The following CHMP7 variants were observed in gnomAD, a reference collection of about 807,000 sequenced individuals.
CHMP7 encodes charged multivesicular body protein 7, also known as CHMP family, member 7.
In CHMP7, 15 loss-of-function variants were observed where a neutral mutation model predicts 53.7. The ratio of observed to expected loss-of-function variants is 0.28; its 90% CI spans 0.19 to 0.43. The LOEUF (loss-of-function observed/expected upper bound fraction) is 0.43. Ranked by LOEUF, CHMP7 falls within the 20% of genes least tolerant of loss-of-function variation. The pLI, the probability that CHMP7 is intolerant of heterozygous loss-of-function variation, is 1.00. For missense variants in CHMP7, 527 were observed against 569.4 expected, an observed-to-expected ratio of 0.93 and a Z score of 0.76; for synonymous variants, 261 against 228.0, an observed-to-expected ratio of 1.14 and a Z score of -1.30.
rs1448264718 is a variant in CHMP7 at position 23,256,586 on chromosome 8, G to A, written c.784G>A (p.Ala262Thr). The A allele has an allele frequency of 6.8e-6, 11 of 1,613,806 alleles. No homozygotes were observed. The highest frequency in any genetic ancestry group is 9.3e-6 in the Non-Finnish European group (11 of 1,179,874). ...CAAAGTGGAGTCCTTATCCCAGGAA[G>A]CAGAGAGGTAACTTTTAACCCTGAA... ...SRKVESLSQE[A>T]ERCKEEARRA... The change falls in exon 5 of 11, where the codon GCA becomes ACA. Residue 262 changes from alanine (A) to threonine (T), a missense_variant. Transcript: ENST00000397677.
chr8:23,254,690 A>G lies in CHMP7; in HGVS notation c.472-557A>G, dbSNP rs537139571. ...CCAGAGTGCTGGGATTACAGGCATG[A>G]GCTGCCACGCCTGGCCCTTTTCCCT... On this transcript the variant is annotated intron_variant, in intron 3 of 10. Coordinates refer to ENST00000397677, the MANE Select transcript of CHMP7 (RefSeq NM_152272.5). 12 of 167,138 alleles carry G rather than the reference A, an allele frequency of 7.2e-5. No individual in the cohort carries two copies. The South Asian group carries it at 1.7e-3, about 23-fold the overall frequency. 10.4% of individuals were successfully genotyped at this position (167,138 alleles called of 1,614,324 possible).
rs1392021977 is a variant in CHMP7 at position 23,249,237 on chromosome 8, C to T, written c.327C>T (p.Asp109=). 6.2e-7 allele frequency: 1 copy of T among 1,602,032 alleles called. No homozygotes were observed. Among genetic ancestry groups the T allele is most frequent in the Non-Finnish European group, 8.5e-7 (1 of 1,175,294 alleles). ...GAGGGGAGCTGCAGCGGGAGTCAGA[C>T]TTCATGGCCAGTGTAGACAGCAGCT... is the stretch of plus-strand genomic sequence containing the variant. ...LRRGELQRES[D]FMASVDSSWI... is the part of the protein sequence containing the mutation. The change falls in exon 3 of 11, where the codon GAC becomes GAT. Residue 109 remains aspartate, a synonymous_variant. Coordinates refer to ENST00000397677, the MANE Select transcript of CHMP7 (RefSeq NM_152272.5).
At chr8:23,247,444 CT>C (rs1476608998) in intron 2 of CHMP7, among the ~76,000 whole-genome samples, 2 of 152,314 alleles carry the variant, frequency 1.3e-5, no homozygotes, top group East Asian at 3.9e-4. Context: ...CCAACAACCC[CT>C]GGCACAGCTC....
At position 23,246,644 on chromosome 8, in the gene CHMP7, A is replaced by G; in HGVS notation, c.-52A>G. 1 of 1,473,814 alleles carries G rather than the reference A, an allele frequency of 6.8e-7. No individual in the cohort carries two copies. The highest frequency in any genetic ancestry group is 1.3e-5 in the South Asian group (1 of 78,960). 91.3% of individuals were successfully genotyped at this position (1,473,814 alleles called of 1,614,324 possible). ...GAAGCCGGGAGGGAACGAGGGCGGA[A>G]GCGGACCAGGGCCAGGCTTGTGTTC... On this transcript the variant is annotated 5_prime_UTR_variant, in exon 2 of 11. Coordinates refer to ENST00000397677, the MANE Select transcript of CHMP7 (RefSeq NM_152272.5).
At chr8:23,252,010 T>A (rs1272912502) in intron 3 of CHMP7, among the ~76,000 whole-genome samples, 2 of 151,894 alleles carry the variant, frequency 1.3e-5, no homozygotes, top group Non-Finnish European at 2.9e-5. Flanking sequence ...GGGAGTCCAG[T>A]CTCCCCACAT....
chr8:23,250,140 T>G (rs60275220), intron 3 of CHMP7, among the ~76,000 whole-genome samples: 13,903 of 152,206 alleles, frequency 0.091, 1,006 homozygotes, highest in East Asian at 0.39. Flanking sequence ...CAGCCTTATT[T>G]TTCTTTCTCT....
chr8:23,260,608 A>G lies in CHMP7; in HGVS notation c.*9A>G, dbSNP rs1467749653. 5 of 1,609,924 alleles carry G rather than the reference A, an allele frequency of 3.1e-6. No homozygotes were observed. Among genetic ancestry groups the G allele is most frequent in the Non-Finnish European group, 4.3e-6 (5 of 1,176,256 alleles). On this transcript the variant is annotated 3_prime_UTR_variant, in exon 11 of 11. Coordinates refer to ENST00000397677, the MANE Select transcript of CHMP7 (RefSeq NM_152272.5). ...CTCTAAAGCCATTGTAGGACCCTCAAGTGAAGGACCCTCATGTAAAAGAGA... is the reference window on the plus strand; with the variant it reads ...CTCTAAAGCCATTGTAGGACCCTCAGGTGAAGGACCCTCATGTAAAAGAGA...
Position 23,246,397 on chromosome 8 carries a change from G to A in CHMP7, c.-299G>A, listed in dbSNP as rs1178374479. The A allele has an allele frequency of 4.6e-6, 2 of 435,778 alleles. No individual in the cohort carries two copies. Among genetic ancestry groups the A allele is most frequent in the Admixed American group, 4.1e-5 (1 of 24,676 alleles). The allele number at this position is 435,778 out of a possible 1,614,324, so 27.0% of individuals were successfully genotyped here. A position where few individuals can be genotyped will look rare whatever the true frequency, so the allele number is the denominator to read the frequency against. ...TCCAGAATCTTGAAGGAGACGTAAG[G>A]TGCAGCCACCTGCCGCGCAGGCGCA... On this transcript the variant is annotated 5_prime_UTR_variant, in exon 2 of 11. It adds an upstream start codon to the 5' untranslated region. Coordinates refer to ENST00000397677, the MANE Select transcript of CHMP7 (RefSeq NM_152272.5).
chr8:23,255,909 G>T (rs1309269757), intron 4 of CHMP7, among the ~76,000 whole-genome samples: 2 of 151,804 alleles, frequency 1.3e-5, no homozygotes, highest in African/African-American at 4.8e-5. Context: ...TTACAGGCAT[G>T]CGCCACGGCC....
Position 23,243,649 on chromosome 8 carries a change from G to C in CHMP7, c.-636G>C, listed in dbSNP as rs1358006903. On this transcript the variant is annotated 5_prime_UTR_variant, in exon 1 of 11. Transcript: ENST00000397677. ...TTAAACACCCTGGGCTGCCTCCTCT[G>C]ACTGTTATGCAGCAGGCCGGCAGGT... 1 of 152,440 alleles carries C rather than the reference G, an allele frequency of 6.6e-6. No homozygotes were observed. Among genetic ancestry groups the C allele is most frequent in the Non-Finnish European group, 1.5e-5 (1 of 68,220 alleles). 9.4% of individuals were successfully genotyped at this position (152,440 alleles called of 1,614,324 possible). A position where few individuals can be genotyped will look rare whatever the true frequency, so the allele number is the denominator to read the frequency against.
chr8:23,253,621 A>T (rs1802014345), intron 3 of CHMP7, among the ~76,000 whole-genome samples: 1 of 152,174 alleles, frequency 6.6e-6, no homozygotes, highest in East Asian at 1.9e-4. Context: ...CATAACCAAG[A>T]TGGGATATTT....
At chr8:23,257,406 G>C (rs891647538) in intron 5 of CHMP7, among the ~76,000 whole-genome samples, 6 of 152,174 alleles carry the variant, frequency 3.9e-5, no homozygotes, top group African/African-American at 1.4e-4. Flanking sequence ...GAAAACGTGA[G>C]TCTTAATGCT....
At position 23,249,235 on chromosome 8, in the gene CHMP7, G is replaced by A. The variant is rs749814820; in HGVS notation, c.325G>A (p.Asp109Asn). 6.3e-7 allele frequency: 1 copy of A among 1,599,724 alleles called. No homozygotes were observed. Among genetic ancestry groups the A allele is most frequent in the Non-Finnish European group, 8.5e-7 (1 of 1,174,410 alleles). The change falls in exon 3 of 11, where the codon GAC becomes AAC. Residue 109 changes from aspartate (D) to asparagine (N), a missense_variant. Coordinates refer to ENST00000397677, the MANE Select transcript of CHMP7 (RefSeq NM_152272.5). Reference protein sequence around the residue: ...LRRGELQRESDFMASVDSSWI... With the variant: ...LRRGELQRESNFMASVDSSWI... Reference sequence around the variant, plus strand: ...TCGAGGGGAGCTGCAGCGGGAGTCAGACTTCATGGCCAGTGTAGACAGCAG... The same window carrying A: ...TCGAGGGGAGCTGCAGCGGGAGTCAAACTTCATGGCCAGTGTAGACAGCAG...
At position 23,256,592 on chromosome 8, in the gene CHMP7, A is replaced by C. The variant is rs759648105; in HGVS notation, c.790A>C (p.Arg264=). ...GGAGTCCTTATCCCAGGAAGCAGAG[A>C]GGTAACTTTTAACCCTGAACTGAGC... ...KVESLSQEAE[R]CKEEARRACR... is the part of the protein sequence containing the mutation. Residue 264 remains arginine, a splice_region_variant and synonymous_variant, in exon 5 of 11, where the codon AGG becomes CGG. Coordinates refer to ENST00000397677, the MANE Select transcript of CHMP7 (RefSeq NM_152272.5). 1.2e-6 allele frequency: 2 copies of C among 1,613,696 alleles called. No individual in the cohort carries two copies. The highest frequency in any genetic ancestry group is 2.2e-5 in the East Asian group (1 of 44,856).
chr8:23,251,608 C>T (rs950168869), intron 3 of CHMP7, among the ~76,000 whole-genome samples: 39 of 152,316 alleles, frequency 2.6e-4, no homozygotes, highest in African/African-American at 9.4e-4. Flanking sequence ...CGCACAGACA[C>T]GTGTACACAT....
intron 3 of CHMP7, among the ~76,000 whole-genome samples, chr8:23,253,477 G>C (rs1218426201): frequency 6.6e-6 from 1 of 152,122 alleles, no homozygotes; most frequent in African/African-American, 2.4e-5. Context: ...AGTGGAGATG[G>C]GGTTTCACCC....
At chr8:23,250,088 C>T (rs1005917469) in intron 3 of CHMP7, among the ~76,000 whole-genome samples, 26 of 152,326 alleles carry the variant, frequency 1.7e-4, no homozygotes, top group South Asian at 4.1e-4. Flanking sequence ...CTGCGGTCCC[C>T]TTCATGGTCC....
intron 6 of CHMP7, 47 bp from the exon 7 acceptor site, chr8:23,258,283 C>CT: frequency 6.2e-7 from 1 of 1,612,694 alleles, no homozygotes; most frequent in Non-Finnish European, 8.5e-7. Context: ...TCCTCTTGCC[C>CT]TTTGGCTCGC....
chr8:23,249,100 G>A (rs558155953), intron 2 of CHMP7, 110 bp from the exon 3 acceptor site: 21 of 914,648 alleles, frequency 2.3e-5, no homozygotes, highest in Non-Finnish European at 3.2e-5. Flanking sequence ...TTAACAAATG[G>A]TCGTGATGAT....
Sources: gnomAD v4.1 joint callset for allele counts (sites outside exome capture counted in the v4.1 genomes callset) on GRCh38, gnomAD v4.1.1 for gene constraint, MANE v1.5 for transcripts, NCBI Gene and HGNC (gene_info 2026-07-23, HGNC 2026-07-21) for gene names.